Variants in CFAP45 observed in about 807,000 individuals in gnomAD.
The protein encoded by CFAP45 is cilia- and flagella-associated protein 45.
A neutral mutation model predicts 75.6 loss-of-function variants in CFAP45; 43 were observed. The ratio of observed to expected loss-of-function variants is 0.57; its 90% CI spans 0.45 to 0.73. CFAP45 has a LOEUF of 0.73. CFAP45 is among the 30% of genes least tolerant of loss of function. The probability of loss-of-function intolerance (pLI) is 0.00; values close to 1 mark genes in which losing one functional copy is unlikely to be tolerated. For synonymous variants in CFAP45, 223 were observed against 244.6 expected (o/e 0.91, Z 0.82); for missense variants, 689 against 701.5 (o/e 0.98, Z 0.20).
At chr1:159,875,292 A>G (rs1005075004) in intron 10 of CFAP45, among the ~76,000 whole-genome samples, 3 of 152,252 alleles carry the variant, frequency 2.0e-5, no homozygotes, top group East Asian at 1.9e-4. Flanking sequence ...GAGAGGAGAC[A>G]TCTGGAAGGC....
Position 159,900,155 on chromosome 1 carries a change from G to A in CFAP45, c.-57C>T. ...CTGCTGCCGCCTCGGCGCCGCCAAG[G>A]CCCTAGTGTTGACGCGTTACCTTGG... On this transcript the variant is annotated 5_prime_UTR_variant, in exon 1 of 12. Coordinates refer to ENST00000368099, the MANE Select transcript of CFAP45 (RefSeq NM_012337.3). 6.2e-7 allele frequency: 1 copy of A among 1,613,038 alleles called. No homozygotes were observed. Among genetic ancestry groups the A allele is most frequent in the South Asian group, 1.1e-5 (1 of 91,018 alleles).
intron 7 of CFAP45, among the ~76,000 whole-genome samples, chr1:159,883,933 C>A (rs189441539): frequency 3.0e-4 from 45 of 152,170 alleles, no homozygotes; most frequent in Admixed American, 5.2e-4. Flanking sequence ...ATTTCTTTTG[C>A]AATAAATATG....
Position 159,877,447 on chromosome 1 carries a change from A to G in CFAP45, c.1060T>C (p.Phe354Leu), listed in dbSNP as rs1649430119. The G allele has an allele frequency of 6.2e-7, 1 of 1,613,708 alleles. No individual in the cohort carries two copies. Among genetic ancestry groups the G allele is most frequent in the Non-Finnish European group, 8.5e-7 (1 of 1,179,768 alleles). ...CGGATTCTCTCCTGCTCAGCCTCAA[A>G]CTCTGCTTCTCGAGCCTGCCGGAAG... ...TKKKMAREAEFEAEQERIRRE... is the reference protein window; with the variant it reads ...TKKKMAREAELEAEQERIRRE... The change falls in exon 9 of 12, where the codon TTT (phenylalanine) becomes CTT (leucine). Residue 354 changes from phenylalanine to leucine, a missense_variant. Phe to Leu is a conservative substitution (Grantham distance 22). Transcript: ENST00000368099.
At chr1:159,898,553 G>C (rs923443411) in intron 1 of CFAP45, among the ~76,000 whole-genome samples, 2 of 152,214 alleles carry the variant, frequency 1.3e-5, no homozygotes, top group Admixed American at 1.3e-4. Context: ...GAATTACAGA[G>C]GGGCTCAGTG....
intron 1 of CFAP45, chr1:159,898,341 A>T (rs1649998168): frequency 4.0e-6 from 2 of 497,946 alleles, no homozygotes; most frequent in South Asian, 1.7e-4. Flanking sequence ...CAGGATTTTA[A>T]TCATTATTTT....
chr1:159,888,723 G>C (rs2101848820), intron 3 of CFAP45, among the ~76,000 whole-genome samples: 1 of 152,084 alleles, frequency 6.6e-6, no homozygotes, highest in South Asian at 2.1e-4. Context: ...TTTCTATTAG[G>C]TCCTGCTCAT....
intron 7 of CFAP45, among the ~76,000 whole-genome samples, chr1:159,883,322 T>C (rs1378196660): frequency 1.3e-5 from 2 of 149,838 alleles, no homozygotes; most frequent in African/African-American, 5.0e-5. Context: ...ATGGGGGAAC[T>C]CTTCTAGATC....
At chr1:159,875,489 A>G (rs1478447058) in intron 10 of CFAP45, among the ~76,000 whole-genome samples, 1 of 152,176 alleles carries the variant, frequency 6.6e-6, no homozygotes, top group Non-Finnish European at 1.5e-5. Context: ...TCGTAAGGAT[A>G]GAGGCTCCCG....
intron 7 of CFAP45, among the ~76,000 whole-genome samples, chr1:159,882,161 C>CCT (rs1281773419): frequency 1.3e-5 from 2 of 152,010 alleles, no homozygotes; most frequent in Non-Finnish European, 2.9e-5. Flanking sequence ...ACAGACATTC[C>CCT]CTCTCTCTCT....
chr1:159,879,883 T>G (rs557159729), intron 8 of CFAP45, among the ~76,000 whole-genome samples: 1 of 152,350 alleles, frequency 6.6e-6, no homozygotes, highest in East Asian at 1.9e-4. Context: ...CCTGCCACCT[T>G]GAGTACTTCC....
At chr1:159,878,121 G>A (rs1460845573) in intron 8 of CFAP45, among the ~76,000 whole-genome samples, 2 of 152,110 alleles carry the variant, frequency 1.3e-5, no homozygotes, top group African/African-American at 2.4e-5. Context: ...TTGAACACAG[G>A]TACCCTGACC....
At chr1:159,895,002 C>T (rs76360867) in intron 1 of CFAP45, among the ~76,000 whole-genome samples, 1 of 152,312 alleles carries the variant, frequency 6.6e-6, no homozygotes, top group Non-Finnish European at 1.5e-5. Flanking sequence ...GTCTTGGTTC[C>T]AGCTGCAGAA....
chr1:159,888,640 C>T (rs1360498508), intron 3 of CFAP45, 144 bp from the exon 4 acceptor site: 3 of 711,644 alleles, frequency 4.2e-6, no homozygotes, highest in Non-Finnish European at 6.9e-6. Flanking sequence ...TGCCATGGGT[C>T]CACTGGGGAG....
chr1:159,888,499 G>A lies in CFAP45; in HGVS notation c.273-3C>T. The A allele has an allele frequency of 6.2e-7, 1 of 1,613,420 alleles. No individual in the cohort carries two copies. ...CGGAGGGATCCTCTGTGGGAACACT[G>A]TCACAAGAATAAACAGAGTTAGGGA... On this transcript the variant is annotated splice_region_variant and splice_polypyrimidine_tract_variant and intron_variant, in intron 3 of 11. Transcript: ENST00000368099.
intron 1 of CFAP45, 97 bp downstream of exon 1, chr1:159,899,999 T>C: frequency 3.5e-6 from 5 of 1,423,856 alleles, no homozygotes; most frequent in Non-Finnish European, 4.9e-6. Flanking sequence ...TCCTGACCCC[T>C]AGACCCAACT....
intron 1 of CFAP45, 130 bp from the exon 2 acceptor site, chr1:159,893,435 G>C (rs1158564033): frequency 2.3e-6 from 2 of 866,524 alleles, no homozygotes; most frequent in African/African-American, 1.7e-5. Flanking sequence ...AGGGAAAGCG[G>C]CTGTGTAAAC....
rs572355384 is a variant in CFAP45, at chr1:159,876,224, C to T, written c.1352+332G>A. The T allele has an allele frequency of 8.9e-5, 29 of 326,880 alleles. No individual in the cohort carries two copies. In the East Asian group the frequency reaches 1.8e-3, roughly 20 times the overall value. 20.2% of individuals were successfully genotyped at this position (326,880 alleles called of 1,614,324 possible). On this transcript the variant is annotated intron_variant, in intron 10 of 11. Transcript: ENST00000368099. ...AAACCACTCCTCTTGCAGTTTCATCCCCAATTTGCAGGGGCACATGGGTCA... is the reference window on the plus strand; with the variant it reads ...AAACCACTCCTCTTGCAGTTTCATCTCCAATTTGCAGGGGCACATGGGTCA...
chr1:159,876,625 A>C lies in CFAP45; in HGVS notation c.1283T>G (p.Val428Gly), dbSNP rs1571178900. 1.2e-6 allele frequency: 2 copies of C among 1,613,884 alleles called. No homozygotes were observed. The highest frequency in any genetic ancestry group is 1.7e-6 in the Non-Finnish European group (2 of 1,179,980). ...AELRKSRLEQ[V>G]AFKEHALAVQ... ...AGCCAGAGCGTGCTCCTTGAAAGCC[A>C]CCTGTTCGAGCCGACTTTTTCGCAG... Residue 428 changes from valine (V) to glycine (G), a missense_variant, in exon 10 of 12, where the codon GTG becomes GGG. Coordinates refer to ENST00000368099, the MANE Select transcript of CFAP45 (RefSeq NM_012337.3).
At chr1:159,877,555 CCTACCA>C (rs775036766) in intron 8 of CFAP45, 93 bp from the exon 9 acceptor site, 209 of 852,082 alleles carry the variant, frequency 2.5e-4, no homozygotes, top group Non-Finnish European at 4.0e-4. Context: ...CAATATCTCC[CCTACCA>C]CTTCCTGACT....
Sources: allele counts gnomAD v4.1 joint callset (sites outside exome capture counted in the v4.1 genomes callset), GRCh38; gene constraint gnomAD v4.1.1; transcripts MANE v1.5; gene names NCBI Gene and HGNC (gene_info 2026-07-23, HGNC 2026-07-21).